Variants in TBC1D2B observed in about 807,000 individuals in gnomAD.
The protein encoded by TBC1D2B is TBC1 domain family member 2B, also known as TBC1 domain family, member 2B.
TBC1D2B carries 64 observed loss-of-function variants against 100.8 expected under a neutral mutation model. The ratio of observed to expected loss-of-function variants is 0.64; its 90% confidence interval spans 0.52 to 0.78. The LOEUF (loss-of-function observed/expected upper bound fraction) is 0.78. Ranked by LOEUF, TBC1D2B falls within the 30% of genes least tolerant of loss-of-function variation. The probability of loss-of-function intolerance (pLI) is 0.00; values close to 1 mark genes in which losing one functional copy is unlikely to be tolerated. For missense variants in TBC1D2B, 1,052 were observed against 1,218.4 expected (o/e 0.86, Z 2.03); for synonymous variants, 480 against 479.7 (o/e 1.00, Z -0.01).
chr15:77,998,152 G>C lies in TBC1D2B; in HGVS notation c.*8C>G. On this transcript the variant is annotated 3_prime_UTR_variant, in exon 13 of 13. Transcript: ENST00000300584. ...GTGAAGGAAGGAAGAGCAGCATCCC[G>C]AGCCCACTCAGGTATCCTCCTCCTC... The C allele has an allele frequency of 6.6e-7, 1 of 1,504,582 alleles. No homozygotes were observed. 93.2% of individuals were successfully genotyped at this position (1,504,582 alleles called of 1,614,324 possible).
At chr15:78,034,203 T>C (rs1321734910) in intron 3 of TBC1D2B, among the ~76,000 whole-genome samples, 1 of 152,352 alleles carries the variant, frequency 6.6e-6, no homozygotes, top group East Asian at 1.9e-4. Context: ...AGATACTGTA[T>C]AAAGTCTGAT....
chr15:78,071,281 G>T (rs1171832705), intron 1 of TBC1D2B, among the ~76,000 whole-genome samples: 2 of 152,158 alleles, frequency 1.3e-5, no homozygotes, highest in African/African-American at 2.4e-5. Context: ...ATTTTTAAAT[G>T]GTTGAAAAAA....
intron 1 of TBC1D2B, among the ~76,000 whole-genome samples, chr15:78,067,540 G>C (rs2073678048): frequency 6.6e-6 from 1 of 152,204 alleles, no homozygotes; most frequent in Admixed American, 6.5e-5. Flanking sequence ...TATAATCCAA[G>C]ATCAACATCT....
chr15:78,016,668 T>C lies in TBC1D2B; in HGVS notation c.1653A>G (p.Thr551=), dbSNP rs995992420. The change falls in exon 8 of 13, where the codon ACA becomes ACG. Residue 551 remains threonine, a synonymous_variant. Transcript: ENST00000300584. The part of the protein sequence containing the change: ...KYLILLQEMK[T]PVCSEDQGPT... ...GCCCCTGGTCTTCTGAGCACACTGG[T>C]GTCTTCATTTCTTGGAGCAATATCA... 1 of 1,607,858 alleles carries C rather than the reference T, an allele frequency of 6.2e-7. No individual in the cohort carries two copies.
rs1490394620 is a variant in TBC1D2B, at chr15:78,026,148, GTTGTT to G, written c.848-656_848-652del. On this transcript the variant is annotated intron_variant, in intron 4 of 12. Transcript: ENST00000300584. ...AACACTCAAATGTATGTTGGTTTTT[GTTGTT>G]TTTTTTTTTTTAACATACAAACATT... Among the ~76,000 whole-genome samples the G allele has an allele frequency of 7.6e-5, 10 of 131,650 alleles. No individual in the cohort carries two copies. In the East Asian group the frequency reaches 2.9e-3, roughly 38 times the overall value. 86.4% of individuals were successfully genotyped at this position (131,650 alleles called of 152,430 possible). A position where few individuals can be genotyped will look rare whatever the true frequency, so the allele number is the denominator to read the frequency against.
At chr15:78,039,355 T>C (rs1032635095) in intron 3 of TBC1D2B, among the ~76,000 whole-genome samples, 10 of 152,148 alleles carry the variant, frequency 6.6e-5, no homozygotes, top group Non-Finnish European at 1.2e-4. Flanking sequence ...AAAACCATAA[T>C]AGATTCTTGG....
intron 3 of TBC1D2B, chr15:78,034,673 C>G: frequency 1.0e-6 from 1 of 985,424 alleles, no homozygotes. Context: ...CTGAGTCGTA[C>G]GCTGCCGTGC....
rs774649358 is a variant in TBC1D2B at position 77,998,142 on chromosome 15, G to A, written c.*18C>T. ...CACTTTGGTTGTGAAGGAAGGAAGA[G>A]CAGCATCCCGAGCCCACTCAGGTAT... On this transcript the variant is annotated 3_prime_UTR_variant, in exon 13 of 13. Transcript: ENST00000300584. 129 of 1,494,128 alleles carry A rather than the reference G, an allele frequency of 8.6e-5. No individual in the cohort carries two copies. The African/African-American group carries it at 1.6e-3, about 19-fold the overall frequency. 92.6% of individuals were successfully genotyped at this position (1,494,128 alleles called of 1,614,324 possible).
rs571404029 is a variant in TBC1D2B at position 78,054,073 on chromosome 15, C to T, written c.475G>A (p.Gly159Arg). 4.4e-5 allele frequency: 71 copies of T among 1,613,520 alleles called. No individual in the cohort carries two copies. In the South Asian group the frequency reaches 5.4e-4, roughly 12 times the overall value. Residue 159 changes from glycine (G) to arginine (R), a missense_variant, in exon 2 of 13, where the codon GGG becomes AGG. This residue lies in a region of TBC1D2B where 627 missense variants were observed against 646.1 expected (regional missense o/e 0.97). Coordinates refer to ENST00000300584, the MANE Select transcript of TBC1D2B (RefSeq NM_144572.2). ...GCTACAAGACCCTTAGGAAAATCCC[C>T]GGGAGTTGGAGAGGTCCTGCTGTCC... Reference protein sequence around the residue: ...KWDSRTSPTPGDFPKGLVARD... With the variant: ...KWDSRTSPTPRDFPKGLVARD...
At chr15:78,074,025 T>C (rs1299074941) in intron 1 of TBC1D2B, among the ~76,000 whole-genome samples, 3 of 151,036 alleles carry the variant, frequency 2.0e-5, no homozygotes, top group Non-Finnish European at 4.4e-5. Context: ...TGTTTGTTTG[T>C]TTGTTTGTTT....
chr15:78,034,060 G>A (rs890838840), intron 3 of TBC1D2B, among the ~76,000 whole-genome samples: 3 of 152,170 alleles, frequency 2.0e-5, no homozygotes, highest in Non-Finnish European at 4.4e-5. Flanking sequence ...CACGGAGCTG[G>A]TAAACGACGT....
At position 78,003,984 on chromosome 15, in the gene TBC1D2B, C is replaced by T. The variant is rs184265419; in HGVS notation, c.2389-494G>A. Among the ~76,000 whole-genome samples, 19 of 152,296 alleles carry T rather than the reference C, an allele frequency of 1.2e-4. No individual in the cohort carries two copies. In the East Asian group the frequency reaches 2.7e-3, roughly 22 times the overall value. ...GCAGTGGGGGTGGCGAGGACTCCGG[C>T]GTCACATGAACCTGAGTCTGAATCT... On this transcript the variant is annotated intron_variant, in intron 10 of 12. Coordinates refer to ENST00000300584, the MANE Select transcript of TBC1D2B (RefSeq NM_144572.2).
At chr15:78,015,389 A>T (rs1596310526) in intron 8 of TBC1D2B, among the ~76,000 whole-genome samples, 2 of 152,360 alleles carry the variant, frequency 1.3e-5, no homozygotes, top group East Asian at 3.9e-4. Context: ...ATTTTCCATA[A>T]GAAAAAGTTG....
Position 77,996,100 on chromosome 15 carries a change from C to G in TBC1D2B, c.*2060G>C, listed in dbSNP as rs1489337950. On this transcript the variant is annotated 3_prime_UTR_variant, in exon 13 of 13. Coordinates refer to ENST00000300584, the MANE Select transcript of TBC1D2B (RefSeq NM_144572.2). ...GCAGGAGAACCTCTGAGAAAGTGTC[C>G]CCAGTCCCTTTCCTCCAGGAACTCT... is the stretch of plus-strand genomic sequence containing the variant. 6.6e-6 allele frequency: 1 copy of G among 151,880 alleles called. No individual in the cohort carries two copies. The highest frequency in any genetic ancestry group is 6.6e-5 in the Admixed American group (1 of 15,188). 9.4% of individuals were successfully genotyped at this position (151,880 alleles called of 1,614,324 possible).
At chr15:78,008,961 A>G (rs774755153) in intron 10 of TBC1D2B, 36 bp downstream of exon 10, 11 of 1,440,030 alleles carry the variant, frequency 7.6e-6, no homozygotes, top group Admixed American at 2.0e-5. Flanking sequence ...TGCAATTCTA[A>G]AAGTGGTGAC....
chr15:78,024,095 C>T (rs371537005), intron 6 of TBC1D2B, 61 bp downstream of exon 6: 94 of 1,538,532 alleles, frequency 6.1e-5, no homozygotes, highest in African/African-American at 1.5e-4. Context: ...GGAGGCCAGG[C>T]CTCTGGGGTG....
chr15:78,011,466 A>G (rs2072222406), intron 9 of TBC1D2B, among the ~76,000 whole-genome samples: 2 of 140,442 alleles, frequency 1.4e-5, no homozygotes, highest in African/African-American at 2.6e-5. Context: ...TACTTTATCC[A>G]TATCTTTTTT....
At chr15:78,014,482 A>G (rs2072316896) in intron 8 of TBC1D2B, among the ~76,000 whole-genome samples, 2 of 152,242 alleles carry the variant, frequency 1.3e-5, no homozygotes, top group Non-Finnish European at 2.9e-5. Flanking sequence ...GGGAATATGG[A>G]CCATGATGGT....
At chr15:78,006,585 G>A (rs74027706) in intron 10 of TBC1D2B, among the ~76,000 whole-genome samples, 7,746 of 152,248 alleles carry the variant, frequency 0.051, 388 homozygotes, top group African/African-American at 0.12. Flanking sequence ...GAGGCCGTGG[G>A]CACAGACAGG....
Sources: allele counts gnomAD v4.1 joint callset (sites outside exome capture counted in the v4.1 genomes callset), GRCh38; gene constraint gnomAD v4.1.1; regional missense constraint gnomAD v4.1.1; transcripts MANE v1.5; gene names NCBI Gene and HGNC (gene_info 2026-07-23, HGNC 2026-07-21).